PNPLA8: variants seen among roughly 807,000 people sequenced by gnomAD.
The protein encoded by PNPLA8 is calcium-independent phospholipase A2-gamma.
In PNPLA8, 39 loss-of-function variants were observed where a neutral mutation model predicts 76.9. The observed-to-expected ratio is 0.51, with a 90% CI of 0.39 to 0.66. The LOEUF (loss-of-function observed/expected upper bound fraction) is 0.66. Among genes scored for constraint, PNPLA8 ranks in the 30% least tolerant of loss-of-function variants. The probability of loss-of-function intolerance (pLI) is 0.00; values close to 1 mark genes in which losing one functional copy is unlikely to be tolerated. For synonymous variants in PNPLA8, 301 were observed against 307.9 expected (o/e 0.98, Z 0.24); for missense variants, 887 against 918.0 (o/e 0.97, Z 0.44).
At chr7:108,506,275 G>A (rs1156364129) in intron 4 of PNPLA8, among the ~76,000 whole-genome samples, 4 of 152,136 alleles carry the variant, frequency 2.6e-5, no homozygotes, top group Non-Finnish European at 1.5e-5. Context: ...CTACTCGGGA[G>A]GCTGAGGCAG....
At chr7:108,512,010 A>T (rs573653731) in intron 4 of PNPLA8, among the ~76,000 whole-genome samples, 2 of 152,184 alleles carry the variant, frequency 1.3e-5, no homozygotes, top group Non-Finnish European at 2.9e-5. Context: ...GAGTAGAAGA[A>T]ACCCGTGGCA....
At chr7:108,510,154 G>C (rs1311637375) in intron 4 of PNPLA8, 3 of 654,822 alleles carry the variant, frequency 4.6e-6, no homozygotes, top group Non-Finnish European at 7.5e-6. Context: ...ATGTGCACAT[G>C]TACCCTAAAA....
intron 4 of PNPLA8, among the ~76,000 whole-genome samples, chr7:108,511,989 A>T (rs768002668): frequency 6.6e-6 from 1 of 152,192 alleles, no homozygotes; most frequent in Non-Finnish European, 1.5e-5. Flanking sequence ...CGGACAGGAT[A>T]AACAGATTGT....
At position 108,496,601 on chromosome 7, in the gene PNPLA8, T is replaced by C; in HGVS notation, c.1608A>G (p.Thr536=). Residue 536 remains threonine, a synonymous_variant, in exon 7 of 11, where the codon ACA becomes ACG. Transcript: ENST00000257694. ...SWSHAFYDSQ[T]WENILKDRMG... ...TAACTTACTTAAGAATGTTTTCCCA[T>C]GTTTGACTGTCATAAAATGCATGGC... The C allele has an allele frequency of 6.3e-7, 1 of 1,598,812 alleles. No homozygotes were observed. The highest frequency in any genetic ancestry group is 8.5e-7 in the Non-Finnish European group (1 of 1,174,526).
chr7:108,526,543 C>A (rs116845068), upstream of PNPLA8, among the ~76,000 whole-genome samples: 1 of 152,202 alleles, frequency 6.6e-6, no homozygotes, highest in African/African-American at 2.4e-5. Flanking sequence ...CCTCCCTCTC[C>A]GCGTCCCTGA....
Position 108,514,425 on chromosome 7 carries a change from G to T in PNPLA8, c.1056+11C>A, listed in dbSNP as rs762968238. The stretch of plus-strand genomic sequence containing the variant: ...AAGTAATAGAACCGAAAAGCACACT[G>T]AACAACTTGCCTTTTCTCGCTGAAG... On this transcript the variant is annotated intron_variant, in intron 3 of 10. Transcript: ENST00000257694. 29 of 1,593,734 alleles carry T rather than the reference G, an allele frequency of 1.8e-5. No homozygotes were observed. The highest frequency in any genetic ancestry group is 4.3e-6 in the Non-Finnish European group (5 of 1,170,718).
chr7:108,473,727 T>G (rs1357164706), intron 10 of PNPLA8, among the ~76,000 whole-genome samples: 2 of 152,228 alleles, frequency 1.3e-5, no homozygotes, highest in African/African-American at 4.8e-5. Flanking sequence ...TGCCCAGTTT[T>G]TTCACTGAAT....
chr7:108,504,138 T>G (rs1862160727), intron 4 of PNPLA8, among the ~76,000 whole-genome samples: 1 of 152,120 alleles, frequency 6.6e-6, no homozygotes, highest in South Asian at 2.1e-4. Context: ...CCTAACTGAA[T>G]TAAGGCTATC....
At chr7:108,509,339 AAAC>A (rs1249063468) in intron 4 of PNPLA8, among the ~76,000 whole-genome samples, 2 of 132,684 alleles carry the variant, frequency 1.5e-5, no homozygotes, top group Non-Finnish European at 3.2e-5. Flanking sequence ...AGAAAAAAAC[AAAC>A]AACCCCATCA....
chr7:108,476,543 G>T (rs1161696807), intron 10 of PNPLA8, among the ~76,000 whole-genome samples: 1 of 152,168 alleles, frequency 6.6e-6, no homozygotes, highest in Non-Finnish European at 1.5e-5. Flanking sequence ...TTATAGGAAT[G>T]TAAATTGGTA....
chr7:108,478,307 A>G (rs1860142189), intron 10 of PNPLA8, among the ~76,000 whole-genome samples: 1 of 152,202 alleles, frequency 6.6e-6, no homozygotes, highest in Admixed American at 6.5e-5. Flanking sequence ...GTGACCACCA[A>G]GAATTATCCG....
intron 1 of PNPLA8, 95 bp downstream of exon 1, chr7:108,525,934 A>T (rs1049096351): frequency 4.6e-5 from 23 of 504,892 alleles, no homozygotes; most frequent in Non-Finnish European, 4.9e-5. Context: ...AGTGCCCTCC[A>T]AAGAAAGAAA....
chr7:108,487,885 A>T lies in PNPLA8; in HGVS notation c.1752T>A (p.Gly584=), dbSNP rs1860859518. The change falls in exon 9 of 11, where the codon GGT becomes GGA. Residue 584 remains glycine, a synonymous_variant. Coordinates refer to ENST00000257694, the MANE Select transcript of PNPLA8 (RefSeq NM_001256007.3). The part of the protein sequence containing the change: ...TPKAFVFRNY[G]HFPGINSHYL... ...AATGAGAGTTGATTCCAGGAAAATG[A>T]CCATAGTTTCTGAACACAAAAGCTT... is the stretch of plus-strand genomic sequence containing the variant. 6.2e-7 allele frequency: 1 copy of T among 1,613,448 alleles called. No homozygotes were observed. Among genetic ancestry groups the T allele is most frequent in the Non-Finnish European group, 8.5e-7 (1 of 1,179,518 alleles).
At chr7:108,526,234 A>AGG (rs909207118), upstream of PNPLA8, 119 of 278,948 alleles carry the variant, frequency 4.3e-4, no homozygotes, top group East Asian at 5.2e-4. Flanking sequence ...GGCCGGGGTG[A>AGG]GGATTTTCCG....
chr7:108,524,709 A>G (rs867307675), intron 1 of PNPLA8, among the ~76,000 whole-genome samples: 24 of 152,066 alleles, frequency 1.6e-4, no homozygotes, highest in African/African-American at 5.8e-4. Flanking sequence ...AATCCCAGCT[A>G]CTCGGGAGGC....
chr7:108,513,418 A>G (rs956096332), intron 4 of PNPLA8, among the ~76,000 whole-genome samples: 6 of 152,164 alleles, frequency 3.9e-5, no homozygotes, highest in African/African-American at 1.4e-4. Flanking sequence ...GTTAAAAAGT[A>G]GAATAAATGT....
At chr7:108,479,139 G>C in intron 10 of PNPLA8, 45 bp downstream of exon 10, 1 of 1,398,150 alleles carries the variant, frequency 7.2e-7, no homozygotes, top group Non-Finnish European at 1.0e-6. Flanking sequence ...AAAACTGCTA[G>C]AATGCTAGAA....
intron 4 of PNPLA8, among the ~76,000 whole-genome samples, chr7:108,512,663 T>A (rs2154516564): frequency 6.6e-6 from 1 of 152,310 alleles, no homozygotes; most frequent in South Asian, 2.1e-4. Context: ...GCTGGAAAAG[T>A]TCACACTAGA....
chr7:108,510,688 A>C lies in PNPLA8; in HGVS notation c.1206+3456T>G, dbSNP rs1862852971. 7.6e-5 allele frequency: 121 copies of C among 1,599,216 alleles called. 2 individuals carry two copies. The South Asian group carries it at 1.3e-3, about 17-fold the overall frequency. On this transcript the variant is annotated intron_variant, in intron 4 of 10. Transcript: ENST00000257694. ...CCAATCTGAAGTCAGTAAATGAACTAATCTACAAGAGTGGTTATGGCAAAA... is the reference window on the plus strand; with the variant it reads ...CCAATCTGAAGTCAGTAAATGAACTCATCTACAAGAGTGGTTATGGCAAAA...
Sources: gnomAD v4.1 joint callset for allele counts (sites outside exome capture counted in the v4.1 genomes callset) on GRCh38, gnomAD v4.1.1 for gene constraint, MANE v1.5 for transcripts, NCBI Gene and HGNC (gene_info 2026-07-23, HGNC 2026-07-21) for gene names.